The following NMBR variants were observed in gnomAD, a reference collection of about 807,000 sequenced individuals.
NMBR encodes neuromedin B receptor, also known as neuromedin-B receptor.
NMBR carries 16 observed loss-of-function variants against 20.5 expected under a neutral mutation model. That is an observed-to-expected ratio of 0.78 (90% CI 0.53 to 1.19). The LOEUF (loss-of-function observed/expected upper bound fraction) is 1.19, where lower values mean the gene tolerates loss of function less well. NMBR is among the 50% of genes most tolerant of loss of function. The pLI is 0.00. For missense variants in NMBR, 582 were observed against 499.1 expected, an observed-to-expected ratio of 1.17 and a Z score of -1.58; for synonymous variants, 212 against 196.6, an observed-to-expected ratio of 1.08 and a Z score of -0.65.
At chr6:142,106,283 T>C (rs1012814677) in intron 1 of NMBR, among the ~76,000 whole-genome samples, 2 of 152,158 alleles carry the variant, frequency 1.3e-5, no homozygotes, top group African/African-American at 2.4e-5. Flanking sequence ...AGGGGCTCTA[T>C]TGGGCTTGAT....
intron 1 of NMBR, among the ~76,000 whole-genome samples, chr6:142,146,752 A>G (rs1337759083): frequency 6.6e-6 from 1 of 152,230 alleles, no homozygotes; most frequent in African/African-American, 2.4e-5. Context: ...GTATGTCAAC[A>G]TAGAAAAATT....
At chr6:142,099,060 G>C (rs1357044034) in intron 1 of NMBR, among the ~76,000 whole-genome samples, 1 of 152,172 alleles carries the variant, frequency 6.6e-6, no homozygotes, top group East Asian at 1.9e-4. Flanking sequence ...TTGGAACCAA[G>C]ATTAGTCCTT....
chr6:142,131,121 G>T lies in NMBR; in HGVS notation c.-664+15923C>A, dbSNP rs185518057. Reference sequence around the variant, plus strand: ...CATAACTTTTCCCTTTGTTTCTCCAGATTCTAGATCAAGAGTAGCCACATC... The same window carrying T: ...CATAACTTTTCCCTTTGTTTCTCCATATTCTAGATCAAGAGTAGCCACATC... On this transcript the variant is annotated intron_variant, in intron 1 of 3. Coordinates refer to ENST00000258042, the MANE Select transcript of NMBR (RefSeq NM_002511.4). Among the ~76,000 whole-genome samples, 431 of 152,130 alleles carry T rather than the reference G, an allele frequency of 2.8e-3. 6 individuals are homozygous for T. Among genetic ancestry groups the T allele is most frequent in the Non-Finnish European group, 2.3e-3 (159 of 67,988 alleles).
intron 1 of NMBR, among the ~76,000 whole-genome samples, chr6:142,128,717 T>A (rs551725674): frequency 6.6e-6 from 1 of 152,142 alleles, no homozygotes; most frequent in South Asian, 2.1e-4. Context: ...CAGAGATAAA[T>A]CCCACTGGTG....
intron 1 of NMBR, among the ~76,000 whole-genome samples, chr6:142,090,846 C>T (rs1310976132): frequency 6.6e-6 from 1 of 151,612 alleles, no homozygotes; most frequent in African/African-American, 2.4e-5. Context: ...ATATTGAAAT[C>T]GAAATTACTG....
At position 142,143,135 on chromosome 6, in the gene NMBR, T is replaced by C. The variant is rs56314004; in HGVS notation, c.-664+3909A>G. Among the ~76,000 whole-genome samples, 657 of 152,060 alleles carry C rather than the reference T, an allele frequency of 4.3e-3. 2 individuals are homozygous for C. Among genetic ancestry groups the C allele is most frequent in the African/African-American group, 0.015 (635 of 41,472 alleles). On this transcript the variant is annotated intron_variant, in intron 1 of 3. Coordinates refer to ENST00000258042, the MANE Select transcript of NMBR (RefSeq NM_002511.4). ...GAGGAATAATTTTTCTATAGAGTAATAAAAAATAAAATTTAAATGTAAAAA... is the reference window on the plus strand; with the variant it reads ...GAGGAATAATTTTTCTATAGAGTAACAAAAAATAAAATTTAAATGTAAAAA...
At chr6:142,093,315 A>T in intron 1 of NMBR, among the ~76,000 whole-genome samples, 1 of 73,792 alleles carries the variant, frequency 1.4e-5, no homozygotes. Flanking sequence ...CCCCCACCCC[A>T]CAACAGTCCC....
intron 1 of NMBR, among the ~76,000 whole-genome samples, chr6:142,101,452 T>C (rs1196074680): frequency 6.6e-6 from 1 of 152,118 alleles, no homozygotes; most frequent in African/African-American, 2.4e-5. Context: ...CAAAACCCAT[T>C]GGGAAATAGC....
At chr6:142,097,798 C>A (rs763860642) in intron 1 of NMBR, among the ~76,000 whole-genome samples, 3 of 151,788 alleles carry the variant, frequency 2.0e-5, no homozygotes, top group Non-Finnish European at 4.4e-5. Flanking sequence ...AAAATGTTAA[C>A]AAGGCTCTAT....
chr6:142,144,776 C>A (rs1778404714), intron 1 of NMBR, among the ~76,000 whole-genome samples: 2 of 152,024 alleles, frequency 1.3e-5, no homozygotes, highest in South Asian at 4.1e-4. Flanking sequence ...AAGAAGAGAG[C>A]ATGAGGCTCT....
intron 1 of NMBR, among the ~76,000 whole-genome samples, chr6:142,109,368 G>T (rs751634418): frequency 1.3e-5 from 2 of 151,690 alleles, no homozygotes; most frequent in East Asian, 1.9e-4. Flanking sequence ...GTAAGAAAAA[G>T]ATGCTTTTTA....
At chr6:142,121,811 C>T (rs890705329) in intron 1 of NMBR, among the ~76,000 whole-genome samples, 2 of 151,848 alleles carry the variant, frequency 1.3e-5, no homozygotes, top group Non-Finnish European at 2.9e-5. Flanking sequence ...TATTTAATTA[C>T]GTGCTTACTT....
rs937751478 is a variant in NMBR at position 142,078,862 on chromosome 6, C to T, written c.464G>A (p.Gly155Glu). The T allele has an allele frequency of 9.3e-6, 15 of 1,613,232 alleles. No homozygotes were observed. In the African/African-American group the frequency reaches 1.5e-4, roughly 16 times the overall value. Residue 155 changes from glycine to glutamate, a missense_variant, in exon 3 of 4, where the codon GGG becomes GAG. Transcript: ENST00000258042. ...IVNPMDMQTS[G>E]ALLRTCVKAM... ...CTTCACACAGGTCCGCAGCAATGCCCCTGACGTCTGCATGTCCATGGGGTT... is the reference window on the plus strand; with the variant it reads ...CTTCACACAGGTCCGCAGCAATGCCTCTGACGTCTGCATGTCCATGGGGTT...
intron 3 of NMBR, 88 bp downstream of exon 3, chr6:142,078,467 C>A (rs917146099): frequency 4.1e-6 from 3 of 734,056 alleles, no homozygotes; most frequent in Middle Eastern, 2.5e-4. Flanking sequence ...TCTCCTCAGT[C>A]ATAGGATTAA....
chr6:142,076,771 G>C (rs2114551379), intron 3 of NMBR, among the ~76,000 whole-genome samples: 1 of 152,256 alleles, frequency 6.6e-6, no homozygotes, highest in Admixed American at 6.5e-5. Flanking sequence ...AGTTCAAGGG[G>C]TACCTTACAT....
intron 1 of NMBR, among the ~76,000 whole-genome samples, chr6:142,120,805 C>A (rs531989108): frequency 1.3e-5 from 2 of 151,948 alleles, no homozygotes; most frequent in Non-Finnish European, 2.9e-5. Flanking sequence ...AGAACAAATT[C>A]TAACATTATT....
intron 1 of NMBR, among the ~76,000 whole-genome samples, chr6:142,141,128 T>C (rs1457869100): frequency 6.6e-6 from 1 of 152,230 alleles, no homozygotes; most frequent in African/African-American, 2.4e-5. Context: ...AGAACAGATG[T>C]TCTTTTCAAG....
chr6:142,088,720 C>A lies in NMBR; in HGVS notation c.-62G>T. 6.9e-7 allele frequency: 1 copy of A among 1,450,698 alleles called. No individual in the cohort carries two copies. Among genetic ancestry groups the A allele is most frequent in the Non-Finnish European group, 9.3e-7 (1 of 1,072,794 alleles). 89.9% of individuals were successfully genotyped at this position (1,450,698 alleles called of 1,614,324 possible). The stretch of plus-strand genomic sequence containing the variant: ...GCGCTCCGGTGCCCTGAGGACTGAA[C>A]GCCCACGATTTAGGTTTAATCGATG... On this transcript the variant is annotated 5_prime_UTR_variant, in exon 2 of 4. Transcript: ENST00000258042.
intron 1 of NMBR, among the ~76,000 whole-genome samples, chr6:142,100,573 G>A (rs1455199156): frequency 2.0e-5 from 3 of 151,192 alleles, no homozygotes; most frequent in South Asian, 2.1e-4. Flanking sequence ...TGTGTGGATC[G>A]CAGAGGATTT....
Sources: gnomAD v4.1 joint callset for allele counts (sites outside exome capture counted in the v4.1 genomes callset) on GRCh38, gnomAD v4.1.1 for gene constraint, MANE v1.5 for transcripts, NCBI Gene and HGNC (gene_info 2026-07-23, HGNC 2026-07-21) for gene names.